Variants in HAT1 observed in about 807,000 individuals in gnomAD.
HAT1 encodes the protein histone acetyltransferase type B catalytic subunit.
A neutral mutation model predicts 56.6 loss-of-function variants in HAT1; 20 were observed. The ratio of observed to expected loss-of-function variants is 0.35; its 90% CI spans 0.25 to 0.51. The LOEUF (loss-of-function observed/expected upper bound fraction) is 0.51. Among genes scored for constraint, HAT1 ranks in the 20% least tolerant of loss-of-function variants. The pLI is 0.95. For synonymous variants in HAT1, 146 were observed against 165.5 expected, an observed-to-expected ratio of 0.88 and a Z score of 0.91; for missense variants, 408 against 504.3, an observed-to-expected ratio of 0.81 and a Z score of 1.83.
At chr2:171,955,916 A>C (rs1490212564) in intron 4 of HAT1, among the ~76,000 whole-genome samples, 2 of 151,192 alleles carry the variant, frequency 1.3e-5, no homozygotes, top group Admixed American at 1.3e-4. Flanking sequence ...ATGGTGGCGC[A>C]TGCCTGTAAT....
chr2:171,952,030 T>C (rs1002056225), intron 3 of HAT1, among the ~76,000 whole-genome samples: 6 of 152,196 alleles, frequency 3.9e-5, no homozygotes, highest in Non-Finnish European at 7.3e-5. Context: ...ACAATTCACT[T>C]TCTAAAAAAA....
At position 171,977,471 on chromosome 2, in the gene HAT1, A is replaced by G. The variant is rs181862615; in HGVS notation, c.975+1163A>G. Among the ~76,000 whole-genome samples, 202 of 145,144 alleles carry G rather than the reference A, an allele frequency of 1.4e-3. 1 individual carries two copies. The highest frequency in any genetic ancestry group is 4.7e-3 in the African/African-American group (191 of 40,396). On this transcript the variant is annotated intron_variant, in intron 9 of 10. Coordinates refer to ENST00000264108, the MANE Select transcript of HAT1 (RefSeq NM_003642.4). ...AGAGAGACTTCATCTTAAAAAAAAA[A>G]AAAAGAAAAGAAATTTGTTTAATAG...
At chr2:171,924,636 A>G (rs1388325599) in intron 1 of HAT1, 1 of 152,228 alleles carries the variant, frequency 6.6e-6, no homozygotes, top group Non-Finnish European at 1.5e-5. Flanking sequence ...AGTAGCTCAC[A>G]GTTTATGACT....
At chr2:171,941,588 A>C (rs1421742934) in intron 2 of HAT1, among the ~76,000 whole-genome samples, 3 of 152,114 alleles carry the variant, frequency 2.0e-5, no homozygotes, top group Admixed American at 1.3e-4. Context: ...AGATTCTCAT[A>C]AGGAGCCGTC....
intron 2 of HAT1, among the ~76,000 whole-genome samples, chr2:171,942,295 G>A (rs1220913881): frequency 6.6e-6 from 1 of 152,100 alleles, no homozygotes; most frequent in East Asian, 1.9e-4. Flanking sequence ...ATATTTTGCA[G>A]AAAATTTGGA....
chr2:171,977,517 G>A (rs1687998743), intron 9 of HAT1, among the ~76,000 whole-genome samples: 1 of 79,974 alleles, frequency 1.3e-5, no homozygotes. Context: ...AAAAGAACAG[G>A]CATATGAATA....
rs779404924 is a variant in HAT1 at position 171,925,562 on chromosome 2, G to A, written c.33G>A (p.Leu11=). Residue 11 remains leucine, a synonymous_variant, in exon 2 of 11, where the codon TTG becomes TTA. Transcript: ENST00000264108. MAGFGAMEKF[L]VEYKSAVEKK... ...GATTTGGTGCTATGGAGAAATTTTT[G>A]GTAGAATATAAGAGTGCAGTGGAGA... The A allele has an allele frequency of 8.4e-6, 13 of 1,554,126 alleles. No individual in the cohort carries two copies. In the South Asian group the frequency reaches 1.4e-4, roughly 17 times the overall value.
rs781108417 is a variant in HAT1 at position 171,925,603 on chromosome 2, A to G, written c.74A>G (p.Tyr25Cys). 1 of 1,569,350 alleles carries G rather than the reference A, an allele frequency of 6.4e-7. No individual in the cohort carries two copies. Among genetic ancestry groups the G allele is most frequent in the Non-Finnish European group, 8.8e-7 (1 of 1,139,176 alleles). The change falls in exon 2 of 11, where the codon TAC becomes TGC. Residue 25 changes from tyrosine (Y) to cysteine (C), a missense_variant. Coordinates refer to ENST00000264108, the MANE Select transcript of HAT1 (RefSeq NM_003642.4). Reference protein sequence around the residue: ...KSAVEKKLAEYKCNTNTAIEL... With the variant: ...KSAVEKKLAECKCNTNTAIEL... The stretch of plus-strand genomic sequence containing the variant: ...GCAGTGGAGAAGAAACTGGCAGAGT[A>G]CAAATGTAACACCAACACAGCAATT...
intron 8 of HAT1, among the ~76,000 whole-genome samples, chr2:171,972,317 G>T (rs1687837862): frequency 6.6e-6 from 1 of 151,362 alleles, no homozygotes; most frequent in Non-Finnish European, 1.5e-5. Flanking sequence ...CCAGGCTGGA[G>T]TGCAGTGGAG....
intron 8 of HAT1, among the ~76,000 whole-genome samples, chr2:171,975,524 T>C (rs1687937072): frequency 6.6e-6 from 1 of 152,236 alleles, no homozygotes; most frequent in South Asian, 2.1e-4. Flanking sequence ...GGGAAGATTT[T>C]TAGTTGGTAA....
At chr2:171,977,198 C>T (rs1396768962) in intron 9 of HAT1, among the ~76,000 whole-genome samples, 5 of 120,650 alleles carry the variant, frequency 4.1e-5, no homozygotes, top group African/African-American at 9.5e-5. Context: ...TTGTGTAGGC[C>T]GGGCGAGGTG....
intron 8 of HAT1, among the ~76,000 whole-genome samples, chr2:171,974,988 T>A (rs1196969745): frequency 6.6e-6 from 1 of 152,196 alleles, no homozygotes; most frequent in East Asian, 1.9e-4. Context: ...GTTGAGGACA[T>A]TTGTATCTAC....
Position 171,966,878 on chromosome 2 carries a change from G to A in HAT1, c.752G>A (p.Gly251Asp). Residue 251 changes from glycine to aspartate, a missense_variant, in exon 8 of 11, where the codon GGC becomes GAC. By Grantham distance (94) the Gly-to-Asp change is moderately conservative. Coordinates refer to ENST00000264108, the MANE Select transcript of HAT1 (RefSeq NM_003642.4). ...ATTTTGACTCCATTTCAAGGTCAAG[G>A]CCATGGTGCTCAACTTCTTGAAACA... is the stretch of plus-strand genomic sequence containing the variant. ...MLILTPFQGQ[G>D]HGAQLLETVH... is the part of the protein sequence containing the mutation. 2.5e-6 allele frequency: 4 copies of A among 1,593,188 alleles called. No individual in the cohort carries two copies. Among genetic ancestry groups the A allele is most frequent in the Non-Finnish European group, 3.4e-6 (4 of 1,161,730 alleles).
At chr2:171,961,218 T>C (rs1687566578) in intron 4 of HAT1, among the ~76,000 whole-genome samples, 1 of 152,086 alleles carries the variant, frequency 6.6e-6, no homozygotes, top group South Asian at 2.1e-4. Flanking sequence ...GACAGAAGGA[T>C]CTCTTGAGCC....
At chr2:171,938,066 C>CTCTCTCTT (rs1686921675) in intron 2 of HAT1, among the ~76,000 whole-genome samples, 1 of 130,106 alleles carries the variant, frequency 7.7e-6, no homozygotes, top group African/African-American at 2.7e-5. Flanking sequence ...CTCTCTCTCT[C>CTCTCTCTT]TCTCTCTCTT....
At position 171,972,217 on chromosome 2, in the gene HAT1, T is replaced by G. The variant is rs1288610406; in HGVS notation, c.824-3940T>G. 2.6e-5 allele frequency among the ~76,000 whole-genome samples: 4 copies of G among 151,156 alleles called. No individual in the cohort carries two copies. The East Asian group carries it at 7.8e-4, about 29-fold the overall frequency. Reference sequence around the variant, plus strand: ...ATCTTTCCAGGGTTTTTCTTTTGTTTTTTTTTTTTGTTTGTTTGTTTTTGT... The same window carrying G: ...ATCTTTCCAGGGTTTTTCTTTTGTTGTTTTTTTTTGTTTGTTTGTTTTTGT... On this transcript the variant is annotated intron_variant, in intron 8 of 10. Transcript: ENST00000264108.
At chr2:171,963,522 T>A (rs1287910116) in intron 4 of HAT1, among the ~76,000 whole-genome samples, 1 of 152,140 alleles carries the variant, frequency 6.6e-6, no homozygotes, top group Non-Finnish European at 1.5e-5. Flanking sequence ...AGACAGGACA[T>A]AAGGAAAGTT....
intron 8 of HAT1, 65 bp from the exon 9 acceptor site, chr2:171,976,092 A>C (rs1208827660): frequency 1.1e-6 from 1 of 933,030 alleles, no homozygotes; most frequent in Non-Finnish European, 1.4e-6. Context: ...TTGAGATTGC[A>C]AAAGATGAAG....
chr2:171,942,061 C>T (rs1687032467), intron 2 of HAT1, among the ~76,000 whole-genome samples: 2 of 152,058 alleles, frequency 1.3e-5, no homozygotes, highest in Non-Finnish European at 1.5e-5. Flanking sequence ...CACACCACCA[C>T]ACCCAGCTAA....
Sources: gnomAD v4.1 joint callset for allele counts (sites outside exome capture counted in the v4.1 genomes callset) on GRCh38, gnomAD v4.1.1 for gene constraint, MANE v1.5 for transcripts, NCBI Gene and HGNC (gene_info 2026-07-23, HGNC 2026-07-21) for gene names.